The following KCNN4 variants were observed in gnomAD, a reference collection of about 807,000 sequenced individuals.
The protein encoded by KCNN4 is potassium calcium-activated channel subfamily N member 4, also known as intermediate conductance calcium-activated potassium channel protein 4.
Under a neutral mutation model 45.2 loss-of-function variants are expected in KCNN4, and 31 were observed. The ratio of observed to expected loss-of-function variants is 0.69; its 90% confidence interval spans 0.52 to 0.92. KCNN4 has a LOEUF of 0.92. Ranked by LOEUF, KCNN4 falls within the 40% of genes least tolerant of loss-of-function variation. KCNN4 has a pLI of 0.00. For missense variants in KCNN4, 463 were observed against 574.0 expected, an observed-to-expected ratio of 0.81 and a Z score of 1.98; for synonymous variants, 231 against 254.6, an observed-to-expected ratio of 0.91 and a Z score of 0.88.
chr19:43,769,549 G>A lies in KCNN4; in HGVS notation c.942C>T (p.Ser314=), dbSNP rs115217995. Residue 314 remains serine, a synonymous_variant, in exon 6 of 9, where the codon TCC becomes TCT. Transcript: ENST00000648319. The surrounding 1 kb of genome is among the most constrained non-coding windows in gnomAD (Gnocchi z 4.4). ...AGGCTTCTTGTAGCACTCGGGCAGC[G>A]GACTCCTTCATCTGGGGGTGGGTGG... ...DIQYTKEMKE[S]AARVLQEAWM... is the part of the protein sequence containing the mutation. 593 of 1,614,060 alleles carry A rather than the reference G, an allele frequency of 3.7e-4. 1 individual carries two copies. The African/African-American group carries it at 6.6e-3, about 18-fold the overall frequency.
At position 43,767,698 on chromosome 19, in the gene KCNN4, T is replaced by C. The variant is rs1230977120; in HGVS notation, c.1129A>G (p.Ile377Val). 1 of 1,614,106 alleles carries C rather than the reference T, an allele frequency of 6.2e-7. No individual in the cohort carries two copies. The change falls in exon 8 of 9, where the codon ATC becomes GTC. Residue 377 changes from isoleucine (I) to valine (V), a missense_variant. Physicochemically the swap from Ile to Val is conservative, Grantham distance 29. This residue lies in a region of KCNN4 where 129 missense variants were observed against 149.4 expected (regional missense o/e 0.86). Coordinates refer to ENST00000648319, the MANE Select transcript of KCNN4 (RefSeq NM_002250.3). The stretch of plus-strand genomic sequence containing the variant: ...AGATTCTGCTGCAGGTCATACAGGA[T>C]CATGTGCATCTGGGTGGGAGGAGAG... ...SMVDISKMHM[I>V]LYDLQQNLSS...
intron 4 of KCNN4, 60 bp downstream of exon 4, chr19:43,771,940 T>C: frequency 6.6e-7 from 1 of 1,518,070 alleles, no homozygotes; most frequent in Non-Finnish European, 8.8e-7. Context: ...CATGGCTTCC[T>C]GGGGCCAGAG....
In KCNN4 at chr19:43,772,228, C is replaced by A; in HGVS notation, c.684-93G>T. The A allele has an allele frequency of 2.2e-6, 3 of 1,365,012 alleles. No homozygotes were observed. The Admixed American group carries it at 7.3e-5, about 33-fold the overall frequency. The allele number at this position is 1,365,012 out of a possible 1,614,324, so 84.6% of individuals were successfully genotyped here. On this transcript the variant is annotated intron_variant, in intron 3 of 8. Coordinates refer to ENST00000648319, the MANE Select transcript of KCNN4 (RefSeq NM_002250.3). The surrounding 1 kb of genome is among the most constrained non-coding windows in gnomAD (Gnocchi z 4.4). ...CCTCTATACCCTCCCATCCCCTTCC[C>A]TCTGGTTCCCTCCCTTCCCCTCCCA...
intron 1 of KCNN4, among the ~76,000 whole-genome samples, chr19:43,779,375 C>G (rs182125402): frequency 6.6e-6 from 1 of 151,974 alleles, no homozygotes; most frequent in African/African-American, 2.4e-5. Flanking sequence ...CAGTGCCCGC[C>G]GCCTGCCAGA....
intron 3 of KCNN4, among the ~76,000 whole-genome samples, chr19:43,773,606 A>C (rs1969702907): frequency 6.6e-6 from 1 of 152,172 alleles, no homozygotes; most frequent in African/African-American, 2.4e-5. Context: ...CACTTTGAGG[A>C]CCACTGGCTG....
chr19:43,770,259 T>A (rs1969607619), intron 4 of KCNN4, among the ~76,000 whole-genome samples: 1 of 152,086 alleles, frequency 6.6e-6, no homozygotes, highest in Admixed American at 6.6e-5. Flanking sequence ...CATCCTCCCC[T>A]AACCCCCTTG....
chr19:43,774,624 C>A lies in KCNN4; in HGVS notation c.256-5G>T, dbSNP rs774352151. ...CCCGTTGTCGGTCATGAACAGCTGC[C>A]GGTAGGGGGCCAAGAAGGGAGGGGT... On this transcript the variant is annotated splice_polypyrimidine_tract_variant and splice_region_variant and intron_variant, in intron 2 of 8. Transcript: ENST00000648319. This position sits in a 1 kb window ranked among gnomAD's most constrained non-coding sequence, Gnocchi z 5.6. 4 of 1,490,600 alleles carry A rather than the reference C, an allele frequency of 2.7e-6. 1 individual carries two copies. The African/African-American group carries it at 4.3e-5, about 16-fold the overall frequency. The allele number at this position is 1,490,600 out of a possible 1,614,324, so 92.3% of individuals were successfully genotyped here.
intron 7 of KCNN4, 117 bp downstream of exon 7, chr19:43,768,846 C>T: frequency 1.1e-6 from 1 of 890,128 alleles, no homozygotes; most frequent in Non-Finnish European, 1.9e-6. Context: ...CAGACCTTTA[C>T]TGACAGGCTG....
chr19:43,768,853 G>T, intron 7 of KCNN4, 110 bp downstream of exon 7: 1 of 943,568 alleles, frequency 1.1e-6, no homozygotes, highest in South Asian at 1.3e-5. Context: ...TTACTGACAG[G>T]CTGTGTGTGC....
rs1969662291 is a variant in KCNN4 at position 43,772,211 on chromosome 19, C to T, written c.684-76G>A. On this transcript the variant is annotated intron_variant, in intron 3 of 8. Transcript: ENST00000648319. This position sits in a 1 kb window ranked among gnomAD's most constrained non-coding sequence, Gnocchi z 4.4. Reference sequence around the variant, plus strand: ...GATATTCACTCCCCTTCCCTCTATACCCTCCCATCCCCTTCCCTCTGGTTC... The same window carrying T: ...GATATTCACTCCCCTTCCCTCTATATCCTCCCATCCCCTTCCCTCTGGTTC... 3 of 1,499,918 alleles carry T rather than the reference C, an allele frequency of 2.0e-6. No homozygotes were observed. The highest frequency in any genetic ancestry group is 2.7e-6 in the Non-Finnish European group (3 of 1,104,124). 92.9% of individuals were successfully genotyped at this position (1,499,918 alleles called of 1,614,324 possible).
chr19:43,776,799 C>T, intron 1 of KCNN4, 163 bp from the exon 2 acceptor site: 2 of 614,380 alleles, frequency 3.3e-6, no homozygotes, highest in Admixed American at 5.3e-5. Flanking sequence ...CTGGAGAAGT[C>T]TCAAAACCAT....
chr19:43,768,249 G>A (rs1235384696), intron 7 of KCNN4, among the ~76,000 whole-genome samples: 1 of 152,354 alleles, frequency 6.6e-6, no homozygotes, highest in East Asian at 1.9e-4. Flanking sequence ...CCTGCCATGC[G>A]GTTTTGGGGC....
At position 43,767,709 on chromosome 19, in the gene KCNN4, T is replaced by C. The variant is rs1418457934; in HGVS notation, c.1120-2A>G. 3 of 1,613,982 alleles carry C rather than the reference T, an allele frequency of 1.9e-6. No homozygotes were observed. Among genetic ancestry groups the C allele is most frequent in the South Asian group, 1.1e-5 (1 of 91,084 alleles). The stretch of plus-strand genomic sequence containing the variant: ...CAGGTCATACAGGATCATGTGCATC[T>C]GGGTGGGAGGAGAGGATCAGAGGTG... On this transcript the variant is annotated splice_acceptor_variant, in intron 7 of 8. Transcript: ENST00000648319. LOFTEE classifies it high-confidence loss of function.
rs201541160 is a variant in KCNN4, at chr19:43,774,283, G to C, written c.592C>G (p.Leu198Val). 1.7e-5 allele frequency: 28 copies of C among 1,612,660 alleles called. No individual in the cohort carries two copies. Among genetic ancestry groups the C allele is most frequent in the Non-Finnish European group, 2.3e-5 (27 of 1,179,408 alleles). Residue 198 changes from leucine to valine, a missense_variant, in exon 3 of 9, where the codon CTT becomes GTT. By Grantham distance (32) the Leu-to-Val change is conservative. Around this residue, in one of 3 missense-constraint regions of KCNN4, gnomAD observed 109 missense variants for 183.7 expected, o/e 0.59. Transcript: ENST00000648319. The surrounding 1 kb of genome is among the most constrained non-coding windows in gnomAD (Gnocchi z 5.6). ...VRFRHWFVAK[L>V]YMNTHPGRLL... ...CGGCCAGGGTGCGTGTTCATGTAAAGCTTGGCCACGAACCAGTGGCGGAAG... is the reference window on the plus strand; with the variant it reads ...CGGCCAGGGTGCGTGTTCATGTAAACCTTGGCCACGAACCAGTGGCGGAAG...
chr19:43,777,228 A>G (rs1286154815), intron 1 of KCNN4, among the ~76,000 whole-genome samples: 3 of 151,758 alleles, frequency 2.0e-5, no homozygotes, highest in Non-Finnish European at 2.9e-5. Context: ...ACCCATACCC[A>G]TGAAGGGGGA....
Position 43,774,527 on chromosome 19 carries a change from C to G in KCNN4, c.348G>C (p.Gly116=), listed in dbSNP as rs919461550. The change falls in exon 3 of 9, where the codon GGG becomes GGC. Residue 116 remains glycine (G), a synonymous_variant. Transcript: ENST00000648319. This position sits in a 1 kb window ranked among gnomAD's most constrained non-coding sequence, Gnocchi z 5.6. ...GGCCCCGCACGGGCGCCGGGTGCAG[C>G]CCACACACCACCAGCTCCAGCACGA... is the stretch of plus-strand genomic sequence containing the variant. ...AQIVLELVVC[G]LHPAPVRGPP... The G allele has an allele frequency of 6.3e-7, 1 of 1,596,430 alleles. No individual in the cohort carries two copies. Among genetic ancestry groups the G allele is most frequent in the Admixed American group, 1.7e-5 (1 of 59,386 alleles).
In KCNN4 at chr19:43,774,120, A is replaced by C. The variant is rs1477877730; in HGVS notation, c.683+72T>G. ...TTGGTCCTAGGGGGCCTCAACCTGCACCGCGGCACAGGACGGCCGCCGTGG... is the reference window on the plus strand; with the variant it reads ...TTGGTCCTAGGGGGCCTCAACCTGCCCCGCGGCACAGGACGGCCGCCGTGG... On this transcript the variant is annotated intron_variant, in intron 3 of 8. Transcript: ENST00000648319. The surrounding 1 kb of genome is among the most constrained non-coding windows in gnomAD (Gnocchi z 5.6). The C allele has an allele frequency of 6.8e-7, 1 of 1,459,948 alleles. No homozygotes were observed. The highest frequency in any genetic ancestry group is 9.3e-7 in the Non-Finnish European group (1 of 1,078,980). The allele number at this position is 1,459,948 out of a possible 1,614,324, so 90.4% of individuals were successfully genotyped here. A position where few individuals can be genotyped will look rare whatever the true frequency, so the allele number is the denominator to read the frequency against.
In KCNN4 at chr19:43,774,132, G is replaced by A. The variant is rs998221528; in HGVS notation, c.683+60C>T. The A allele has an allele frequency of 2.0e-6, 3 of 1,510,504 alleles. No individual in the cohort carries two copies. The African/African-American group carries it at 4.1e-5, about 21-fold the overall frequency. 93.6% of individuals were successfully genotyped at this position (1,510,504 alleles called of 1,614,324 possible). ...GGCCTCAACCTGCACCGCGGCACAG[G>A]ACGGCCGCCGTGGCTGTCCGGGGTT... On this transcript the variant is annotated intron_variant, in intron 3 of 8. Transcript: ENST00000648319. This position sits in a 1 kb window ranked among gnomAD's most constrained non-coding sequence, Gnocchi z 5.6.
chr19:43,780,820 G>A lies in KCNN4; in HGVS notation c.42C>T (p.Arg14=), dbSNP rs1969967315. ...TCTCCTGCTCCAGCAAGCGCTTTCG[G>A]CGTCTCAAGGCCCCCAGGCCAAGCA... is the stretch of plus-strand genomic sequence containing the variant. The part of the protein sequence containing the change: ...DLVLGLGALR[R]RKRLLEQEKS... Residue 14 remains arginine, a synonymous_variant, in exon 1 of 9, where the codon CGC becomes CGT. Coordinates refer to ENST00000648319, the MANE Select transcript of KCNN4 (RefSeq NM_002250.3). The A allele has an allele frequency of 1.2e-6, 2 of 1,613,842 alleles. No homozygotes were observed. The highest frequency in any genetic ancestry group is 1.1e-5 in the South Asian group (1 of 91,072).
Sources: gnomAD v4.1 joint callset for allele counts (sites outside exome capture counted in the v4.1 genomes callset) on GRCh38, gnomAD v4.1.1 for gene constraint, gnomAD v4.1.1 regional missense constraint, Gnocchi (gnomAD v3.1) non-coding constraint, MANE v1.5 for transcripts, NCBI Gene and HGNC (gene_info 2026-07-23, HGNC 2026-07-21) for gene names.